Variants in CR1 observed in about 807,000 individuals in gnomAD.
The protein encoded by CR1 is complement C3b/C4b receptor 1 (Knops blood group).
In CR1, 116 loss-of-function variants were observed where a neutral mutation model predicts 187.3. That is an observed-to-expected ratio of 0.62 (90% CI 0.53 to 0.72). The LOEUF (loss-of-function observed/expected upper bound fraction) is 0.72, where lower values mean the gene tolerates loss of function less well. Ranked by LOEUF, CR1 falls within the 30% of genes least tolerant of loss-of-function variation. CR1 has a pLI of 0.00. For missense variants in CR1, 1,731 were observed against 2,110.7 expected (o/e 0.82, Z 3.52); for synonymous variants, 576 against 747.1 (o/e 0.77, Z 3.73).
chr1:207,610,820 T>C (rs564937244), intron 37 of CR1, among the ~76,000 whole-genome samples: 4 of 152,278 alleles, frequency 2.6e-5, no homozygotes, highest in Admixed American at 2.6e-4. Context: ...TGTGGGTACA[T>C]AGTAGGTGTA....
At chr1:207,593,018 C>T (rs1413365287) in intron 35 of CR1, among the ~76,000 whole-genome samples, 1 of 145,646 alleles carries the variant, frequency 6.9e-6, no homozygotes, top group Non-Finnish European at 1.5e-5. Context: ...GGCCATACTG[C>T]CCAAGGTAAT....
In CR1 at chr1:207,575,652, T is replaced by C. The variant is rs758055423; in HGVS notation, c.4509T>C (p.His1503=). ...GTATCCTCTCAGGCAATACTGCCCA[T>C]TGGAGCACGAAGCCGCCAATTTGTC... ...AECILSGNTA[H]WSTKPPICQR... The change falls in exon 28 of 47, where the codon CAT becomes CAC. Residue 1503 remains histidine (H), a synonymous_variant. Coordinates refer to ENST00000367049, the MANE Select transcript of CR1 (RefSeq NM_000651.6). 3 of 1,611,718 alleles carry C rather than the reference T, an allele frequency of 1.9e-6. No individual in the cohort carries two copies. Among genetic ancestry groups the C allele is most frequent in the African/African-American group, 1.3e-5 (1 of 74,860 alleles).
At chr1:207,566,962 T>G (rs868700333) in intron 24 of CR1, among the ~76,000 whole-genome samples, 11 of 150,366 alleles carry the variant, frequency 7.3e-5, no homozygotes, top group Non-Finnish European at 5.9e-5. Flanking sequence ...GTCTAAGAAA[T>G]CCAGTGCTCC....
chr1:207,609,995 G>A (rs1661874286), intron 37 of CR1, among the ~76,000 whole-genome samples: 1 of 152,014 alleles, frequency 6.6e-6, no homozygotes, highest in Non-Finnish European at 1.5e-5. Flanking sequence ...CTTTTCCAAG[G>A]CTCTGACTCC....
chr1:207,603,448 TC>T (rs1172258400), intron 35 of CR1, among the ~76,000 whole-genome samples: 3 of 152,188 alleles, frequency 2.0e-5, no homozygotes, highest in Non-Finnish European at 2.9e-5. Context: ...TCCCTAGGAC[TC>T]CCTGTCTGGA....
intron 44 of CR1, 36 bp downstream of exon 44, chr1:207,622,032 C>T: frequency 6.5e-7 from 1 of 1,548,872 alleles, no homozygotes; most frequent in South Asian, 1.2e-5. Context: ...GGAATTCTGG[C>T]ATCTATAACA....
rs2102359201 is a variant in CR1, at chr1:207,591,660, G to A, written c.5810+2886G>A. ...CCCTTCAAAAAATCAATGAATCCAG[G>A]AGCTGGTTTTTTGAAAAGATTAACA... On this transcript the variant is annotated intron_variant, in intron 35 of 46. Transcript: ENST00000367049. Among the ~76,000 whole-genome samples the A allele has an allele frequency of 2.0e-5, 3 of 152,188 alleles. No homozygotes were observed. The Middle Eastern group carries it at 0.01, about 518-fold the overall frequency.
chr1:207,630,830 G>A (rs549011159), intron 46 of CR1, among the ~76,000 whole-genome samples: 2 of 152,174 alleles, frequency 1.3e-5, no homozygotes, highest in South Asian at 4.2e-4. Flanking sequence ...AGTTAGTACA[G>A]TCACAGTCAC....
intron 39 of CR1, among the ~76,000 whole-genome samples, chr1:207,612,763 C>T (rs1661972091): frequency 6.6e-6 from 1 of 152,226 alleles, no homozygotes; most frequent in African/African-American, 2.4e-5. Flanking sequence ...TCCAGCTGGC[C>T]ACTCCAAGCA....
intron 35 of CR1, among the ~76,000 whole-genome samples, chr1:207,605,337 CCACACACACACACA>C (rs61201153): frequency 1.4e-5 from 2 of 142,696 alleles, no homozygotes; most frequent in African/African-American, 2.5e-5. Flanking sequence ...AATATTCTCA[CCACACACACACACA>C]CACACACACA....
chr1:207,568,225 G>A (rs1301927482), intron 25 of CR1, among the ~76,000 whole-genome samples, 183 bp downstream of exon 25: 1 of 146,918 alleles, frequency 6.8e-6, no homozygotes, highest in African/African-American at 2.7e-5. Context: ...CTTTGCAGAT[G>A]GAGGGACTGA....
chr1:207,584,661 C>A lies in CR1; in HGVS notation c.5315C>A (p.Pro1772Gln), dbSNP rs756168060. The A allele has an allele frequency of 1.2e-6, 2 of 1,613,102 alleles. No individual in the cohort carries two copies. The highest frequency in any genetic ancestry group is 2.2e-5 in the South Asian group (2 of 90,992). ...SVPVCEHIFC[P>Q]NPPAILNGRH... ...GTTTTCTTTCTAGATATCTTTTGTC[C>A]AAATCCTCCAGCTATCCTTAATGGG... is the stretch of plus-strand genomic sequence containing the variant. The change falls in exon 33 of 47, where the codon CCA (proline) becomes CAA (glutamine). Residue 1772 changes from proline to glutamine, a missense_variant. Pro to Gln is a moderately conservative substitution (Grantham distance 76). Transcript: ENST00000367049.
chr1:207,572,946 C>G (rs1322152656), intron 27 of CR1, among the ~76,000 whole-genome samples: 1 of 151,880 alleles, frequency 6.6e-6, no homozygotes, highest in African/African-American at 2.4e-5. Context: ...AAAGTTTTCC[C>G]TTTTAATAAG....
At chr1:207,613,006 T>C (rs185489060) in intron 39 of CR1, among the ~76,000 whole-genome samples, 20 of 152,322 alleles carry the variant, frequency 1.3e-4, no homozygotes, top group Non-Finnish European at 2.9e-4. Context: ...CAGCTCTGGC[T>C]TGATCCGCTG....
At chr1:207,608,683 G>T (rs1472722649) in intron 36 of CR1, among the ~76,000 whole-genome samples, 2 of 152,078 alleles carry the variant, frequency 1.3e-5, no homozygotes, top group Admixed American at 1.3e-4. Context: ...TTTGTAGGGG[G>T]TTATCTTTTA....
rs555912782 is a variant in CR1, at chr1:207,602,939, A to G, written c.5811-4312A>G. 3.8e-3 allele frequency among the ~76,000 whole-genome samples: 584 copies of G among 152,240 alleles called. 2 individuals carry two copies. Among genetic ancestry groups the G allele is most frequent in the Non-Finnish European group, 6.8e-3 (464 of 67,964 alleles). On this transcript the variant is annotated intron_variant, in intron 35 of 46. Coordinates refer to ENST00000367049, the MANE Select transcript of CR1 (RefSeq NM_000651.6). Reference sequence around the variant, plus strand: ...CATCTAGAAAGAAATTTAACAGGAAATATATAGGACTTATAAGCAGAAGAT... The same window carrying G: ...CATCTAGAAAGAAATTTAACAGGAAGTATATAGGACTTATAAGCAGAAGAT...
intron 4 of CR1, among the ~76,000 whole-genome samples, chr1:207,513,406 G>A (rs1342032719): frequency 6.6e-6 from 1 of 152,148 alleles, no homozygotes; most frequent in Non-Finnish European, 1.5e-5. Flanking sequence ...CCGTTGCAGA[G>A]GATGCTGAAA....
intron 35 of CR1, among the ~76,000 whole-genome samples, chr1:207,595,862 A>G (rs893246819): frequency 2.6e-5 from 4 of 151,708 alleles, no homozygotes; most frequent in African/African-American, 9.7e-5. Flanking sequence ...TTCTTGAAAG[A>G]TAATTCATGT....
intron 23 of CR1, among the ~76,000 whole-genome samples, chr1:207,565,270 A>G (rs1423424870): frequency 1.3e-5 from 2 of 150,376 alleles, no homozygotes; most frequent in Non-Finnish European, 2.9e-5. Context: ...CGACAATTGC[A>G]TACAAAAATC....
Sources: allele counts gnomAD v4.1 joint callset (sites outside exome capture counted in the v4.1 genomes callset), GRCh38; gene constraint gnomAD v4.1.1; transcripts MANE v1.5; gene names NCBI Gene and HGNC (gene_info 2026-07-23, HGNC 2026-07-21).